The following SPECC1 variants were observed in gnomAD, a reference collection of about 807,000 sequenced individuals.
SPECC1 encodes sperm antigen with calponin homology and coiled-coil domains 1, also known as cytospin-B.
In SPECC1, 62 loss-of-function variants were observed where a neutral mutation model predicts 104.1. The ratio of observed to expected loss-of-function variants is 0.60; its 90% confidence interval spans 0.49 to 0.74. SPECC1 has a LOEUF of 0.74. Ranked by LOEUF, SPECC1 falls within the 30% of genes least tolerant of loss-of-function variation. The pLI, the probability that SPECC1 is intolerant of heterozygous loss-of-function variation, is 0.00. For missense variants in SPECC1, 1,306 were observed against 1,310.5 expected (o/e 1.00, Z 0.05); for synonymous variants, 513 against 501.6 (o/e 1.02, Z -0.30).
In SPECC1 at chr17:20,128,431, T is replaced by C. The variant is rs190380049; in HGVS notation, c.283+17869T>C. Among the ~76,000 whole-genome samples the C allele has an allele frequency of 1.3e-5, 2 of 152,200 alleles. 1 individual carries two copies. Among genetic ancestry groups the C allele is most frequent in the South Asian group, 4.1e-4 (2 of 4,826 alleles). On this transcript the variant is annotated intron_variant, in intron 3 of 14. Transcript: ENST00000395527. ...GTAGGTATTTATAACTGTGTTCTCC[T>C]ATTCAGGAGTGCTGTCAGATCACAA...
intron 1 of SPECC1, among the ~76,000 whole-genome samples, chr17:20,059,545 GACTGGCATGA>G: frequency 7.1e-6 from 1 of 140,800 alleles, no homozygotes; most frequent in South Asian, 2.2e-4. Flanking sequence ...CAGTGTTGTA[GACTGGCATGA>G]AGTGCAACTT....
intron 1 of SPECC1, among the ~76,000 whole-genome samples, chr17:20,051,738 G>C (rs944135252): frequency 2.6e-5 from 4 of 152,106 alleles, no homozygotes; most frequent in Admixed American, 1.3e-4. Flanking sequence ...TAAATAAGTT[G>C]TCAGGATGTG....
chr17:20,158,717 G>C (rs560416473), intron 3 of SPECC1, among the ~76,000 whole-genome samples: 82 of 152,316 alleles, frequency 5.4e-4, no homozygotes, highest in Non-Finnish European at 1.1e-3. Flanking sequence ...GAAGCTGTCA[G>C]CCCTCTGCAG....
Position 20,317,681 on chromosome 17 carries a change from G to C in SPECC1, c.*3616G>C, listed in dbSNP as rs1433495779. The C allele has an allele frequency of 3.4e-5, 7 of 206,618 alleles. No individual in the cohort carries two copies. In the East Asian group the frequency reaches 5.2e-4, roughly 15 times the overall value. 12.8% of individuals were successfully genotyped at this position (206,618 alleles called of 1,614,324 possible). ...TTTGAGGCTGCAGTAAGCTGTGTTT[G>C]TGCCACTGCACTCTGGCCTGGGCCA... On this transcript the variant is annotated 3_prime_UTR_variant, in exon 15 of 15. Coordinates refer to ENST00000395527, the MANE Select transcript of SPECC1 (RefSeq NM_001243439.2).
chr17:20,270,846 T>C (rs972354754), intron 12 of SPECC1, among the ~76,000 whole-genome samples: 1 of 152,206 alleles, frequency 6.6e-6, no homozygotes, highest in African/African-American at 2.4e-5. Flanking sequence ...TGTACAAGAT[T>C]ATACATTCCC....
intron 3 of SPECC1, among the ~76,000 whole-genome samples, chr17:20,187,652 A>G (rs1414507677): frequency 6.6e-6 from 1 of 152,196 alleles, no homozygotes; most frequent in African/African-American, 2.4e-5. Flanking sequence ...ATGGGAGTCA[A>G]AACCTCTTTT....
chr17:20,149,916 CA>C (rs2031828986), intron 3 of SPECC1, among the ~76,000 whole-genome samples: 1 of 152,168 alleles, frequency 6.6e-6, no homozygotes, highest in Non-Finnish European at 1.5e-5. Context: ...TATTTCTCAA[CA>C]AATGTTAAGA....
chr17:20,180,175 A>G (rs948104274), intron 3 of SPECC1, among the ~76,000 whole-genome samples: 8 of 152,232 alleles, frequency 5.3e-5, no homozygotes, highest in African/African-American at 1.9e-4. Flanking sequence ...CAGGCCAGGA[A>G]GGAATAAAGA....
intron 1 of SPECC1, among the ~76,000 whole-genome samples, chr17:20,021,485 C>T (rs933011874): frequency 2.6e-5 from 4 of 151,918 alleles, no homozygotes; most frequent in East Asian, 1.9e-4. Context: ...GAATGAGCCT[C>T]GTACATGTCT....
intron 7 of SPECC1, among the ~76,000 whole-genome samples, chr17:20,244,238 A>T (rs905329013): frequency 1.3e-5 from 2 of 152,132 alleles, no homozygotes; most frequent in African/African-American, 4.8e-5. Flanking sequence ...CAGAACAAAA[A>T]AAAGGTGGCC....
At position 20,316,719 on chromosome 17, in the gene SPECC1, C is replaced by A; in HGVS notation, c.*2654C>A. On this transcript the variant is annotated 3_prime_UTR_variant, in exon 15 of 15. Coordinates refer to ENST00000395527, the MANE Select transcript of SPECC1 (RefSeq NM_001243439.2). ...TGTTTGTTTGTTTTTTTTTTTGAGA[C>A]AGAGTCTTGCTCTGTCGCCCAGGCT... 1 of 187,326 alleles carries A rather than the reference C, an allele frequency of 5.3e-6. No homozygotes were observed. Among genetic ancestry groups the A allele is most frequent in the South Asian group, 2.0e-4 (1 of 5,024 alleles). 11.6% of individuals were successfully genotyped at this position (187,326 alleles called of 1,614,324 possible).
intron 14 of SPECC1, 149 bp downstream of exon 14, chr17:20,306,231 T>C: frequency 1.6e-6 from 1 of 607,018 alleles, no homozygotes; most frequent in Non-Finnish European, 2.9e-6. Flanking sequence ...ATCCAGTTGA[T>C]ATAATCACAT....
chr17:20,178,983 C>G (rs1215612804), intron 3 of SPECC1, among the ~76,000 whole-genome samples: 6 of 152,192 alleles, frequency 3.9e-5, no homozygotes, highest in Admixed American at 3.3e-4. Context: ...ACCCACTTCA[C>G]AAAGAAGCTA....
intron 5 of SPECC1, 89 bp downstream of exon 5, chr17:20,227,709 G>T: frequency 8.1e-7 from 1 of 1,236,810 alleles, no homozygotes; most frequent in Non-Finnish European, 1.1e-6. Context: ...GAGGTCAGAA[G>T]TTCGAGACCC....
chr17:20,251,875 G>A (rs193284653), intron 9 of SPECC1, among the ~76,000 whole-genome samples: 204 of 152,168 alleles, frequency 1.3e-3, no homozygotes, highest in African/African-American at 4.3e-3. Flanking sequence ...AGAAAATAAG[G>A]CACAGAAAAT....
intron 1 of SPECC1, among the ~76,000 whole-genome samples, chr17:20,016,473 C>T (rs1249991019): frequency 6.6e-6 from 1 of 152,024 alleles, no homozygotes; most frequent in African/African-American, 2.4e-5. Context: ...GAGGGAGAGG[C>T]GCGGGCGGGA....
chr17:20,278,957 C>G (rs755521498), intron 12 of SPECC1, among the ~76,000 whole-genome samples: 7 of 152,188 alleles, frequency 4.6e-5, no homozygotes, highest in Non-Finnish European at 7.3e-5. Context: ...TTCTTTCCTC[C>G]CATGGGCTGT....
At chr17:20,305,938 A>T (rs1278769855) in intron 13 of SPECC1, 85 bp from the exon 14 acceptor site, 4 of 1,155,908 alleles carry the variant, frequency 3.5e-6, no homozygotes, top group Non-Finnish European at 5.2e-6. Flanking sequence ...AATAATCTAT[A>T]TGGGAATATC....
At chr17:20,016,754 A>AC (rs1273895384) in intron 1 of SPECC1, among the ~76,000 whole-genome samples, 3 of 151,736 alleles carry the variant, frequency 2.0e-5, no homozygotes, top group Non-Finnish European at 4.4e-5. Flanking sequence ...TGACAGCACC[A>AC]CCCCCTGCTC....
Sources: gnomAD v4.1 joint callset for allele counts (sites outside exome capture counted in the v4.1 genomes callset) on GRCh38, gnomAD v4.1.1 for gene constraint, MANE v1.5 for transcripts, NCBI Gene and HGNC (gene_info 2026-07-23, HGNC 2026-07-21) for gene names.